Variants in ZNF503 observed in about 807,000 individuals in gnomAD.
ZNF503 encodes NocA-like zinc finger 2.
Under a neutral mutation model 34.4 loss-of-function variants are expected in ZNF503, and 15 were observed. That is an observed-to-expected ratio of 0.44 (90% CI 0.29 to 0.67). ZNF503 has a LOEUF of 0.67. Ranked by LOEUF, ZNF503 falls within the 30% of genes least tolerant of loss-of-function variation. ZNF503 has a pLI of 0.13. For synonymous variants in ZNF503, 580 were observed against 456.8 expected, an observed-to-expected ratio of 1.27 and a Z score of -3.44; for missense variants, 1,007 against 926.8, an observed-to-expected ratio of 1.09 and a Z score of -1.12.
chr10:75,352,622 C>A, the ZNF503 span, among the ~76,000 whole-genome samples: 21 of 152,276 alleles, frequency 1.4e-4, no homozygotes, highest in East Asian at 3.7e-3. Flanking sequence ...TGAATGCAGG[C>A]GTATTATCTT....
chr10:75,392,577 G>T, the ZNF503 span, among the ~76,000 whole-genome samples: 1 of 152,156 alleles, frequency 6.6e-6, no homozygotes, highest in Non-Finnish European at 1.5e-5. Context: ...TGGAGGATGG[G>T]CTGGGGGGCT....
chr10:75,381,376 C>T, the ZNF503 span, among the ~76,000 whole-genome samples: 3 of 152,166 alleles, frequency 2.0e-5, no homozygotes, highest in African/African-American at 7.2e-5. Context: ...GCACACGCCA[C>T]CATGCCTGGC....
the ZNF503 span, among the ~76,000 whole-genome samples, chr10:75,366,001 C>T: frequency 6.6e-6 from 1 of 152,170 alleles, no homozygotes; most frequent in Admixed American, 6.5e-5. Flanking sequence ...GGTTCTAAAT[C>T]CACTGTTTAG....
At chr10:75,292,915 TATGTAC>T in the ZNF503 span, among the ~76,000 whole-genome samples, 11 of 152,338 alleles carry the variant, frequency 7.2e-5, no homozygotes, top group African/African-American at 2.4e-4. Context: ...CCTCAGCATG[TATGTAC>T]ATGGCTCAAA....
the ZNF503 span, among the ~76,000 whole-genome samples, chr10:75,294,221 CCT>C: frequency 2.7e-4 from 41 of 152,306 alleles, no homozygotes; most frequent in African/African-American, 9.9e-4. Flanking sequence ...TTGTGTTTCT[CCT>C]CTGTTTTTTC....
the ZNF503 span, among the ~76,000 whole-genome samples, chr10:75,347,976 C>T: frequency 5.3e-5 from 8 of 152,160 alleles, no homozygotes; most frequent in African/African-American, 1.4e-4. Context: ...CTCCACCTCC[C>T]GGGTTCAAGT....
the ZNF503 span, among the ~76,000 whole-genome samples, chr10:75,326,372 ATCTT>A: frequency 6.6e-6 from 1 of 151,650 alleles, no homozygotes; most frequent in Non-Finnish European, 1.5e-5. Context: ...CTGCCTGCAG[ATCTT>A]TCTTTCTTTC....
chr10:75,334,223 C>T, the ZNF503 span, among the ~76,000 whole-genome samples: 2 of 152,010 alleles, frequency 1.3e-5, no homozygotes, highest in African/African-American at 4.8e-5. Flanking sequence ...GGGGCCCGTC[C>T]GCTCCTCCAG....
chr10:75,280,834 G>C, the ZNF503 span, among the ~76,000 whole-genome samples: 1 of 152,170 alleles, frequency 6.6e-6, no homozygotes, highest in Non-Finnish European at 1.5e-5. Flanking sequence ...CTGAAAAAAG[G>C]AACATCTAAA....
the ZNF503 span, among the ~76,000 whole-genome samples, chr10:75,370,953 A>G: frequency 6.6e-6 from 1 of 152,166 alleles, no homozygotes; most frequent in African/African-American, 2.4e-5. Flanking sequence ...CTCAAGGAAG[A>G]GAGGACAGCA....
the ZNF503 span, among the ~76,000 whole-genome samples, chr10:75,322,235 T>G: frequency 6.6e-6 from 1 of 151,380 alleles, no homozygotes; most frequent in African/African-American, 2.4e-5. Context: ...GTGATTCCCC[T>G]GCCTCATCCT....
At chr10:75,362,236 T>C in the ZNF503 span, among the ~76,000 whole-genome samples, 38 of 152,224 alleles carry the variant, frequency 2.5e-4, no homozygotes, top group African/African-American at 9.1e-4. Context: ...GAGTAGCTTA[T>C]TGGTATGCAG....
At chr10:75,294,248 C>T in the ZNF503 span, among the ~76,000 whole-genome samples, 1 of 152,120 alleles carries the variant, frequency 6.6e-6, no homozygotes, top group Admixed American at 6.5e-5. Flanking sequence ...TCAGACAGAC[C>T]AGACATCAGA....
the ZNF503 span, among the ~76,000 whole-genome samples, chr10:75,294,932 A>G: frequency 1.8e-4 from 28 of 152,102 alleles, no homozygotes; most frequent in Non-Finnish European, 4.1e-4. Context: ...ATTATTGGTT[A>G]CGCTGTTGTG....
chr10:75,298,535 CTTTT>C, the ZNF503 span, among the ~76,000 whole-genome samples: 3 of 152,114 alleles, frequency 2.0e-5, no homozygotes, highest in Non-Finnish European at 4.4e-5. Context: ...AACTTCATTC[CTTTT>C]TATGGCCAAA....
At chr10:75,331,065 T>C in the ZNF503 span, among the ~76,000 whole-genome samples, 1 of 152,232 alleles carries the variant, frequency 6.6e-6, no homozygotes, top group East Asian at 1.9e-4. Flanking sequence ...TCTTAATTTC[T>C]TCATTGACCT....
the ZNF503 span, among the ~76,000 whole-genome samples, chr10:75,322,273 G>A: frequency 0.013 from 2,020 of 151,826 alleles, 40 homozygotes; most frequent in African/African-American, 0.046. Context: ...ACAGGTGTGC[G>A]CCACCATGCC....
At chr10:75,288,911 A>G in the ZNF503 span, among the ~76,000 whole-genome samples, 1 of 152,006 alleles carries the variant, frequency 6.6e-6, no homozygotes, top group Non-Finnish European at 1.5e-5. Context: ...TACAGTAGGG[A>G]CCAGGCGCTT....
At chr10:75,350,144 C>G in the ZNF503 span, among the ~76,000 whole-genome samples, 686 of 152,300 alleles carry the variant, frequency 4.5e-3, 2 homozygotes, top group African/African-American at 0.016. Flanking sequence ...AAAACTGTTA[C>G]CAATATTCAC....
Sources: gnomAD v4.1 joint callset for allele counts (sites outside exome capture counted in the v4.1 genomes callset) on GRCh38, gnomAD v4.1.1 for gene constraint, MANE v1.5 for transcripts, NCBI Gene and HGNC (gene_info 2026-07-23, HGNC 2026-07-21) for gene names.